SGCZ: variants seen among roughly 807,000 people sequenced by gnomAD.
SGCZ encodes the protein sarcoglycan zeta.
A neutral mutation model predicts 41.3 loss-of-function variants in SGCZ; 40 were observed. That is an observed-to-expected ratio of 0.97 (90% CI 0.75 to 1.26). SGCZ has a LOEUF of 1.26. SGCZ is among the 50% of genes most tolerant of loss of function. The pLI is 0.00. For synonymous variants in SGCZ, 206 were observed against 137.5 expected, an observed-to-expected ratio of 1.50 and a Z score of -3.49; for missense variants, 552 against 369.8, an observed-to-expected ratio of 1.49 and a Z score of -4.04.
chr8:14,826,578 C>T (rs1218746253), intron 1 of SGCZ, among the ~76,000 whole-genome samples: 1 of 152,146 alleles, frequency 6.6e-6, no homozygotes, highest in Non-Finnish European at 1.5e-5. Context: ...TATTTCTCCA[C>T]ATCCTCTCCA....
intron 1 of SGCZ, among the ~76,000 whole-genome samples, chr8:14,746,789 C>A (rs940661018): frequency 6.6e-6 from 1 of 152,088 alleles, no homozygotes; most frequent in Non-Finnish European, 1.5e-5. Flanking sequence ...GTATACCAAA[C>A]AGTATTTTTG....
chr8:15,032,702 T>G (rs1449170395), intron 1 of SGCZ, among the ~76,000 whole-genome samples: 1 of 152,058 alleles, frequency 6.6e-6, no homozygotes, highest in Non-Finnish European at 1.5e-5. Flanking sequence ...GAGATTCAGA[T>G]GCCTGGCCAA....
At position 14,621,519 on chromosome 8, in the gene SGCZ, A is replaced by G. The variant is rs912541144; in HGVS notation, c.40-66593T>C. ...ATAAAATAAAATACAAACTCAAAAC[A>G]AAAAAAGAAAATAGGTTTAATTGAC... On this transcript the variant is annotated intron_variant, in intron 1 of 7. Transcript: ENST00000382080. 2.6e-5 allele frequency among the ~76,000 whole-genome samples: 4 copies of G among 152,220 alleles called. No homozygotes were observed. In the East Asian group the frequency reaches 7.7e-4, roughly 29 times the overall value.
intron 1 of SGCZ, among the ~76,000 whole-genome samples, chr8:15,066,863 G>A (rs1227723446): frequency 6.6e-6 from 1 of 152,050 alleles, no homozygotes. Flanking sequence ...GAAAGCAAGA[G>A]GATTTCACTG....
At chr8:15,118,566 GA>G (rs879785687) in intron 1 of SGCZ, among the ~76,000 whole-genome samples, 2 of 152,140 alleles carry the variant, frequency 1.3e-5, no homozygotes, top group African/African-American at 4.8e-5. Flanking sequence ...GTGCGTGGAA[GA>G]AAAACGTCAA....
At chr8:14,914,594 T>C (rs1799372636) in intron 1 of SGCZ, among the ~76,000 whole-genome samples, 2 of 152,274 alleles carry the variant, frequency 1.3e-5, no homozygotes, top group South Asian at 2.1e-4. Context: ...CCATACATTC[T>C]ACAAATAACA....
At chr8:14,371,199 A>G (rs995257967) in intron 2 of SGCZ, among the ~76,000 whole-genome samples, 1 of 152,014 alleles carries the variant, frequency 6.6e-6, no homozygotes, top group African/African-American at 2.4e-5. Flanking sequence ...GCCTTCAAAG[A>G]ATCCAGATGT....
At chr8:14,401,238 C>A (rs1392263545) in intron 2 of SGCZ, among the ~76,000 whole-genome samples, 1 of 152,056 alleles carries the variant, frequency 6.6e-6, no homozygotes, top group Non-Finnish European at 1.5e-5. Context: ...ATAATCAATA[C>A]TTAACTCAAA....
At chr8:14,149,832 T>G (rs944263080) in intron 5 of SGCZ, among the ~76,000 whole-genome samples, 1 of 151,828 alleles carries the variant, frequency 6.6e-6, no homozygotes, top group Non-Finnish European at 1.5e-5. Flanking sequence ...AACAGACACA[T>G]AGACAAATAA....
chr8:14,881,225 G>A (rs1804574380), intron 1 of SGCZ, among the ~76,000 whole-genome samples: 1 of 151,992 alleles, frequency 6.6e-6, no homozygotes. Context: ...TGTTTTAGAG[G>A]CCTTCAGATT....
At chr8:14,336,369 T>C (rs1477898266) in intron 2 of SGCZ, among the ~76,000 whole-genome samples, 1 of 152,184 alleles carries the variant, frequency 6.6e-6, no homozygotes, top group African/African-American at 2.4e-5. Context: ...ATTCTATGTC[T>C]TTGATATTAT....
At chr8:14,887,784 C>T (rs1316766758) in intron 1 of SGCZ, among the ~76,000 whole-genome samples, 1 of 152,048 alleles carries the variant, frequency 6.6e-6, no homozygotes, top group South Asian at 2.1e-4. Flanking sequence ...AAAATAGACA[C>T]GCAATATTTG....
intron 1 of SGCZ, among the ~76,000 whole-genome samples, chr8:15,210,406 A>C (rs1286452019): frequency 6.6e-6 from 1 of 152,098 alleles, no homozygotes; most frequent in African/African-American, 2.4e-5. Context: ...CAGTTTCCGT[A>C]ATACTGTTCC....
intron 1 of SGCZ, among the ~76,000 whole-genome samples, chr8:15,183,207 T>C (rs2117091954): frequency 6.6e-6 from 1 of 151,794 alleles, no homozygotes; most frequent in East Asian, 1.9e-4. Flanking sequence ...GCATCAATAG[T>C]ATAGTAAATA....
chr8:14,926,693 T>C lies in SGCZ; in HGVS notation c.39+310892A>G, dbSNP rs1424474513. On this transcript the variant is annotated intron_variant, in intron 1 of 7. Transcript: ENST00000382080. ...GTCTCGCTCTGTTGCCAGACTGGAGTGCAGTGGCATGATCTCAGCTCACTG... is the reference window on the plus strand; with the variant it reads ...GTCTCGCTCTGTTGCCAGACTGGAGCGCAGTGGCATGATCTCAGCTCACTG... Among the ~76,000 whole-genome samples the C allele has an allele frequency of 2.0e-5, 3 of 152,186 alleles. No individual in the cohort carries two copies. The East Asian group carries it at 5.8e-4, about 29-fold the overall frequency.
intron 1 of SGCZ, among the ~76,000 whole-genome samples, chr8:14,830,172 G>T (rs1388060424): frequency 6.6e-6 from 1 of 152,022 alleles, no homozygotes; most frequent in African/African-American, 2.4e-5. Flanking sequence ...TTAAAAATAT[G>T]GACCAACTTT....
At chr8:15,155,720 A>G (rs1799310335) in intron 1 of SGCZ, among the ~76,000 whole-genome samples, 1 of 152,200 alleles carries the variant, frequency 6.6e-6, no homozygotes, top group Non-Finnish European at 1.5e-5. Flanking sequence ...TTGAATATAC[A>G]GTATAAACCT....
rs548370194 is a variant in SGCZ, at chr8:15,056,573, G to C, written c.39+181012C>G. Among the ~76,000 whole-genome samples, 75 of 151,492 alleles carry C rather than the reference G, an allele frequency of 5.0e-4. 1 individual carries two copies. The highest frequency in any genetic ancestry group is 1.8e-3 in the African/African-American group (74 of 41,344). ...AAAAAAAAACATTAGAAATGATAGT[G>C]TCTAAATGTAGATATGAGGTGCCTA... On this transcript the variant is annotated intron_variant, in intron 1 of 7. Transcript: ENST00000382080.
At chr8:14,177,334 C>T (rs7840084) in intron 4 of SGCZ, among the ~76,000 whole-genome samples, 1 of 152,018 alleles carries the variant, frequency 6.6e-6, no homozygotes, top group Non-Finnish European at 1.5e-5. Flanking sequence ...AAAGACTGAA[C>T]GCATGACAGG....
Sources: gnomAD v4.1 joint callset for allele counts (sites outside exome capture counted in the v4.1 genomes callset) on GRCh38, gnomAD v4.1.1 for gene constraint, MANE v1.5 for transcripts, NCBI Gene and HGNC (gene_info 2026-07-23, HGNC 2026-07-21) for gene names.